Variants in IRAK1BP1 observed in about 807,000 individuals in gnomAD.
IRAK1BP1 encodes the protein interleukin-1 receptor-associated kinase 1-binding protein 1.
IRAK1BP1 carries 24 observed loss-of-function variants against 28.0 expected under a neutral mutation model. The ratio of observed to expected loss-of-function variants is 0.86; its 90% CI spans 0.62 to 1.20. The LOEUF is 1.20. IRAK1BP1 is among the 50% of genes most tolerant of loss of function. The probability of loss-of-function intolerance (pLI) is 0.00; values close to 1 mark genes in which losing one functional copy is unlikely to be tolerated. For missense variants in IRAK1BP1, 336 were observed against 316.7 expected, an observed-to-expected ratio of 1.06 and a Z score of -0.46; for synonymous variants, 131 against 116.3, an observed-to-expected ratio of 1.13 and a Z score of -0.81.
chr6:78,904,522 C>T (rs765015335), downstream of IRAK1BP1, among the ~76,000 whole-genome samples: 4 of 152,090 alleles, frequency 2.6e-5, no homozygotes, highest in Non-Finnish European at 5.9e-5. Context: ...TTTGTTCGCA[C>T]GGGCATTAAT....
At chr6:78,954,307 C>T in the IRAK1BP1 span, among the ~76,000 whole-genome samples, 2 of 151,812 alleles carry the variant, frequency 1.3e-5, no homozygotes, top group African/African-American at 2.4e-5. Flanking sequence ...GGGATTTCAC[C>T]GTGTTAGCCA....
the IRAK1BP1 span, chr6:78,955,121 A>G: frequency 2.0e-5 from 18 of 885,016 alleles, no homozygotes; most frequent in Non-Finnish European, 3.0e-5. Context: ...AATTGAAACT[A>G]ATTTGAAATA....
chr6:78,870,644 T>C (rs952993028), intron 1 of IRAK1BP1, among the ~76,000 whole-genome samples: 2 of 152,240 alleles, frequency 1.3e-5, no homozygotes, highest in Admixed American at 1.3e-4. Flanking sequence ...TTTAAAGTTC[T>C]AAGCAATATT....
At chr6:78,915,456 A>G (rs1772535048) in intron 4 of IRAK1BP1, among the ~76,000 whole-genome samples, 1 of 152,168 alleles carries the variant, frequency 6.6e-6, no homozygotes, top group African/African-American at 2.4e-5. Flanking sequence ...AGTTTATTAG[A>G]TCAAGGCCCG....
Position 78,903,038 on chromosome 6 carries a change from A to T in IRAK1BP1, c.*4704A>T. ...AACATCCCAACCAACAATTACTCCCAGATAGCCATGTCACCTGTGAATTAT... is the reference window on the plus strand; with the variant it reads ...AACATCCCAACCAACAATTACTCCCTGATAGCCATGTCACCTGTGAATTAT... On this transcript the variant is annotated 3_prime_UTR_variant, in exon 4 of 4. Coordinates refer to ENST00000369940, the MANE Select transcript of IRAK1BP1 (RefSeq NM_001010844.4). 1 of 1,533,764 alleles carries T rather than the reference A, an allele frequency of 6.5e-7. No individual in the cohort carries two copies. Among genetic ancestry groups the T allele is most frequent in the Non-Finnish European group, 8.7e-7 (1 of 1,144,850 alleles).
chr6:78,875,619 T>G (rs1770972298), intron 1 of IRAK1BP1, among the ~76,000 whole-genome samples: 1 of 152,116 alleles, frequency 6.6e-6, no homozygotes, highest in Admixed American at 6.6e-5. Flanking sequence ...CCTACCCCAG[T>G]GCAGAAACAG....
chr6:78,873,625 C>T lies in IRAK1BP1; in HGVS notation c.315+5734C>T, dbSNP rs554961909. Among the ~76,000 whole-genome samples, 11 of 152,098 alleles carry T rather than the reference C, an allele frequency of 7.2e-5. No homozygotes were observed. The East Asian group carries it at 1.2e-3, about 16-fold the overall frequency. ...TCCCAAATAGCTAGGACTACAGGCACGCACCTCCATGCCCAGCTAATTTTT... is the reference window on the plus strand; with the variant it reads ...TCCCAAATAGCTAGGACTACAGGCATGCACCTCCATGCCCAGCTAATTTTT... On this transcript the variant is annotated intron_variant, in intron 1 of 3. Coordinates refer to ENST00000369940, the MANE Select transcript of IRAK1BP1 (RefSeq NM_001010844.4).
At chr6:78,926,070 A>T (rs957706428) in intron 4 of IRAK1BP1, among the ~76,000 whole-genome samples, 1 of 152,078 alleles carries the variant, frequency 6.6e-6, no homozygotes, top group Non-Finnish European at 1.5e-5. Context: ...AGATCAAAAA[A>T]TGCTCAATAT....
At chr6:78,905,137 T>C (rs1772228974), downstream of IRAK1BP1, among the ~76,000 whole-genome samples, 1 of 152,188 alleles carries the variant, frequency 6.6e-6, no homozygotes, top group Admixed American at 6.5e-5. Context: ...TTTCAAAATA[T>C]TCAATTATTA....
At chr6:78,910,902 A>G (rs796158584) in intron 4 of IRAK1BP1, among the ~76,000 whole-genome samples, 78 of 152,320 alleles carry the variant, frequency 5.1e-4, no homozygotes, top group African/African-American at 1.8e-3. Context: ...GCACCCCAAG[A>G]CGCTGCTGCA....
At chr6:78,947,618 T>C (rs950246223), downstream of IRAK1BP1, 4 of 1,316,992 alleles carry the variant, frequency 3.0e-6, no homozygotes, top group South Asian at 3.8e-5. Flanking sequence ...AATGTAATTA[T>C]ATACCCTTGA....
At chr6:78,883,119 A>G (rs990848204) in intron 1 of IRAK1BP1, among the ~76,000 whole-genome samples, 1 of 152,012 alleles carries the variant, frequency 6.6e-6, no homozygotes, top group Non-Finnish European at 1.5e-5. Context: ...AAATCTGGGC[A>G]TGGTGGTATG....
chr6:78,903,146 A>G, downstream of IRAK1BP1: 1 of 1,116,638 alleles, frequency 9.0e-7, no homozygotes. Context: ...GAAAAAGAAG[A>G]CTAAGAAAAA....
intron 4 of IRAK1BP1, among the ~76,000 whole-genome samples, chr6:78,926,180 G>A (rs1772886216): frequency 1.3e-5 from 2 of 152,102 alleles, no homozygotes; most frequent in South Asian, 4.1e-4. Context: ...AACAGATTCT[G>A]GTGAGGCTGC....
chr6:78,937,468 TAA>T (rs1217179032), intron 4 of IRAK1BP1: 1 of 151,770 alleles, frequency 6.6e-6, no homozygotes, highest in Non-Finnish European at 1.5e-5. Context: ...ACATGCTGCA[TAA>T]AGATATTTTC....
At chr6:78,934,239 C>G (rs1399387670) in intron 4 of IRAK1BP1, among the ~76,000 whole-genome samples, 2 of 152,114 alleles carry the variant, frequency 1.3e-5, no homozygotes, top group Non-Finnish European at 2.9e-5. Context: ...ACATAAATGA[C>G]TACTGATCAC....
chr6:78,970,053 T>C, the IRAK1BP1 span: 1 of 1,613,520 alleles, frequency 6.2e-7, no homozygotes. Context: ...CCTTACTTCA[T>C]GGTAAATGAT....
the IRAK1BP1 span, among the ~76,000 whole-genome samples, chr6:78,972,140 T>G: frequency 1.3e-5 from 2 of 152,126 alleles, no homozygotes; most frequent in African/African-American, 4.8e-5. Flanking sequence ...CTGACAGCTT[T>G]GAAGAGAGCA....
the IRAK1BP1 span, chr6:78,966,069 A>G: frequency 2.0e-6 from 3 of 1,493,082 alleles, no homozygotes; most frequent in African/African-American, 2.8e-5. Flanking sequence ...GGCCAAGAAC[A>G]AAAACTAACT....
Sources: allele counts gnomAD v4.1 joint callset (sites outside exome capture counted in the v4.1 genomes callset), GRCh38; gene constraint gnomAD v4.1.1; transcripts MANE v1.5; gene names NCBI Gene and HGNC (gene_info 2026-07-23, HGNC 2026-07-21).